TRMT44: variants seen among roughly 807,000 people sequenced by gnomAD.
TRMT44 encodes tRNA methyltransferase 44 homolog.
A neutral mutation model predicts 77.3 loss-of-function variants in TRMT44; 78 were observed. The observed-to-expected ratio is 1.01, with a 90% CI of 0.84 to 1.22. The LOEUF is 1.22. Ranked by LOEUF, TRMT44 falls within the 50% of genes most tolerant of loss-of-function variation. The probability of loss-of-function intolerance (pLI) is 0.00; values close to 1 mark genes in which losing one functional copy is unlikely to be tolerated. For synonymous variants in TRMT44, 391 were observed against 383.3 expected, an observed-to-expected ratio of 1.02 and a Z score of -0.23; for missense variants, 1,090 against 964.4, an observed-to-expected ratio of 1.13 and a Z score of -1.73.
At chr4:8,471,226 G>A (rs774605805) in intron 10 of TRMT44, 26 bp downstream of exon 10, 17 of 1,433,246 alleles carry the variant, frequency 1.2e-5, no homozygotes, top group East Asian at 9.5e-5. Context: ...CTCCCCCGCC[G>A]TTCTTTCCTT....
chr4:8,513,820 G>A, the TRMT44 span, among the ~76,000 whole-genome samples: 12 of 152,178 alleles, frequency 7.9e-5, no homozygotes, highest in Non-Finnish European at 1.3e-4. Context: ...TGAGGATTGA[G>A]ACCACAATGC....
intron 9 of TRMT44, 174 bp from the exon 10 acceptor site, chr4:8,470,910 C>T: frequency 1.8e-6 from 1 of 547,870 alleles, no homozygotes; most frequent in Non-Finnish European, 3.3e-6. Flanking sequence ...GACGCCACGG[C>T]CCTCACGGTT....
intron 2 of TRMT44, among the ~76,000 whole-genome samples, chr4:8,485,189 A>G (rs1227154300): frequency 1.3e-5 from 2 of 152,238 alleles, no homozygotes; most frequent in Non-Finnish European, 2.9e-5. Context: ...GATGGGTGTC[A>G]GGGTCAATCC....
At chr4:8,447,073 G>A (rs767479775) in intron 2 of TRMT44, among the ~76,000 whole-genome samples, 2 of 151,940 alleles carry the variant, frequency 1.3e-5, no homozygotes, top group African/African-American at 2.4e-5. Flanking sequence ...ACGGGGTTTC[G>A]CCATGTTGGC....
At chr4:8,467,733 A>G in intron 8 of TRMT44, among the ~76,000 whole-genome samples, 181 bp from the exon 9 acceptor site, 1 of 152,222 alleles carries the variant, frequency 6.6e-6, no homozygotes, top group Non-Finnish European at 1.5e-5. Flanking sequence ...TTGGGCTCCC[A>G]AAATGCTAGG....
the TRMT44 span, among the ~76,000 whole-genome samples, chr4:8,499,059 G>GGCAGCT: frequency 2.0e-5 from 3 of 152,090 alleles, no homozygotes; most frequent in African/African-American, 7.2e-5. Flanking sequence ...CTGCAGCAGG[G>GGCAGCT]GCAGCTGCAG....
rs148362717 is a variant in TRMT44, at chr4:8,488,781, C to T, written n.3892-4485C>T. 2.8e-3 allele frequency among the ~76,000 whole-genome samples: 419 copies of T among 152,308 alleles called. 3 individuals carry two copies. Among genetic ancestry groups the T allele is most frequent in the Non-Finnish European group, 4.0e-3 (275 of 68,040 alleles). On this transcript the variant is annotated intron_variant and non_coding_transcript_variant, in intron 2 of 2. Coordinates refer to the TRMT44 transcript ENST00000511366. ...TTCCACAGTTGCATCAGTGCCTTCT[C>T]GGCAGACTCTTCAGCTGAAGCTATA...
rs929858516 is a variant in TRMT44 at position 8,440,859 on chromosome 4, G to A, written c.37G>A (p.Gly13Ser). Residue 13 changes from glycine to serine, a missense_variant, in exon 1 of 11, where the codon GGC (glycine) becomes AGC (serine). Gly to Ser is a moderately conservative substitution (Grantham distance 56). Transcript: ENST00000389737. Reference protein sequence around the residue: ...EVGRTGISYPGALLPQGFWAA... With the variant: ...EVGRTGISYPSALLPQGFWAA... Reference sequence around the variant, plus strand: ...GGGCCGTACCGGGATCAGCTACCCAGGCGCGCTTCTCCCACAGGGCTTCTG... The same window carrying A: ...GGGCCGTACCGGGATCAGCTACCCAAGCGCGCTTCTCCCACAGGGCTTCTG... The A allele has an allele frequency of 4.0e-6, 6 of 1,517,918 alleles. No homozygotes were observed. The African/African-American group carries it at 7.0e-5, about 18-fold the overall frequency. The allele number at this position is 1,517,918 out of a possible 1,614,324, so 94.0% of individuals were successfully genotyped here.
chr4:8,471,297 A>C (rs770286049), intron 10 of TRMT44, 97 bp downstream of exon 10: 7 of 829,788 alleles, frequency 8.4e-6, no homozygotes, highest in Non-Finnish European at 1.1e-5. Context: ...GACTCACTGA[A>C]GAATCTGACA....
At chr4:8,510,052 C>T in the TRMT44 span, among the ~76,000 whole-genome samples, 11 of 152,104 alleles carry the variant, frequency 7.2e-5, no homozygotes, top group Non-Finnish European at 1.5e-4. Context: ...CCGGGCTGGA[C>T]GTAGACATGG....
At chr4:8,495,532 G>A (rs1302853300), downstream of TRMT44, among the ~76,000 whole-genome samples, 1 of 152,184 alleles carries the variant, frequency 6.6e-6, no homozygotes, top group Admixed American at 6.5e-5. Flanking sequence ...AGTAAAAAAA[G>A]TGGGTCAACT....
intron 2 of TRMT44, among the ~76,000 whole-genome samples, chr4:8,490,431 A>G (rs1401673736): frequency 6.6e-6 from 1 of 151,444 alleles, no homozygotes; most frequent in Admixed American, 6.6e-5. Context: ...GAAGCTGCAG[A>G]CCTTCGCCGT....
chr4:8,454,201 G>A (rs1725640214), intron 5 of TRMT44, among the ~76,000 whole-genome samples: 1 of 152,158 alleles, frequency 6.6e-6, no homozygotes, highest in Non-Finnish European at 1.5e-5. Flanking sequence ...TGGGGCACTG[G>A]CCCTGGAAAT....
chr4:8,448,783 C>G (rs1220618718), intron 2 of TRMT44, among the ~76,000 whole-genome samples: 1 of 152,246 alleles, frequency 6.6e-6, no homozygotes, highest in Non-Finnish European at 1.5e-5. Context: ...AACCACAGCT[C>G]TCACCAGACG....
rs769552646 is a variant in TRMT44 at position 8,446,589 on chromosome 4, T to C, written c.733T>C (p.Trp245Arg). ...TCAGCTCAGTCATAGCAAAGAAGAA[T>C]GGTAAGAGCTGGACAGTGGACTCCT... ...QIQLSHSKEE[W>R]FISVLIFCPE... The change falls in exon 2 of 11, where the codon TGG becomes CGG. Residue 245 changes from tryptophan to arginine, a missense_variant and splice_region_variant. By Grantham distance (101) the Trp-to-Arg change is moderately radical. Coordinates refer to ENST00000389737, the MANE Select transcript of TRMT44 (RefSeq NM_152544.3). The surrounding 1 kb of genome is among the most constrained non-coding windows in gnomAD (Gnocchi z 4.3). 2.0e-6 allele frequency: 3 copies of C among 1,524,166 alleles called. No homozygotes were observed. The highest frequency in any genetic ancestry group is 2.4e-5 in the South Asian group (2 of 83,782). The allele number at this position is 1,524,166 out of a possible 1,614,324, so 94.4% of individuals were successfully genotyped here.
rs763943742 is a variant in TRMT44, at chr4:8,464,010, A to G, written c.1229A>G (p.Lys410Arg). ...LEEDAITPND[K>R]TLFPDVDWLI... ...GAAGATGCAATCACACCCAATGATA[A>G]GACCCTTTTCCCTGATGTTGATTGG... The change falls in exon 7 of 11, where the codon AAG becomes AGG. Residue 410 changes from lysine (K) to arginine (R), a missense_variant. Physicochemically the swap from Lys to Arg is conservative, Grantham distance 26. Coordinates refer to ENST00000389737, the MANE Select transcript of TRMT44 (RefSeq NM_152544.3). 6.2e-7 allele frequency: 1 copy of G among 1,614,118 alleles called. No individual in the cohort carries two copies. The highest frequency in any genetic ancestry group is 8.5e-7 in the Non-Finnish European group (1 of 1,179,994).
chr4:8,480,205 G>A, downstream of TRMT44, among the ~76,000 whole-genome samples: 1 of 152,228 alleles, frequency 6.6e-6, no homozygotes, highest in Admixed American at 6.5e-5. Context: ...AAAGGAGACT[G>A]AGGCAAGTTT....
intron 1 of TRMT44, among the ~76,000 whole-genome samples, chr4:8,443,364 G>A (rs1159279846): frequency 2.6e-5 from 4 of 152,184 alleles, no homozygotes; most frequent in Admixed American, 6.5e-5. Flanking sequence ...TCTCAACAAG[G>A]AGTACGTTTT....
At chr4:8,448,820 G>A (rs181674159) in intron 2 of TRMT44, among the ~76,000 whole-genome samples, 1 of 152,336 alleles carries the variant, frequency 6.6e-6, no homozygotes, top group African/African-American at 2.4e-5. Context: ...CCCCTCCAGT[G>A]GGGCCATGCT....
Sources: allele counts gnomAD v4.1 joint callset (sites outside exome capture counted in the v4.1 genomes callset), GRCh38; gene constraint gnomAD v4.1.1; non-coding constraint Gnocchi (gnomAD v3.1); transcripts MANE v1.5; gene names NCBI Gene and HGNC (gene_info 2026-07-23, HGNC 2026-07-21).